NCKAP5: variants seen among roughly 807,000 people sequenced by gnomAD.
The protein encoded by NCKAP5 is NCK associated protein 5.
In NCKAP5, 92 loss-of-function variants were observed where a neutral mutation model predicts 167.0. The observed-to-expected ratio is 0.55, with a 90% CI of 0.47 to 0.66. The LOEUF is 0.66. Ranked by LOEUF, NCKAP5 falls within the 30% of genes least tolerant of loss-of-function variation. The pLI is 0.00. For synonymous variants in NCKAP5, 891 were observed against 877.4 expected (o/e 1.02, Z -0.27); for missense variants, 2,378 against 2,315.0 (o/e 1.03, Z -0.56).
intron 11 of NCKAP5, among the ~76,000 whole-genome samples, chr2:132,849,262 C>G (rs781228925): frequency 2.6e-5 from 4 of 151,942 alleles, no homozygotes; most frequent in African/African-American, 7.3e-5. Flanking sequence ...TGAAAGTTAA[C>G]CACAAGATTA....
At chr2:132,781,275 T>G (rs1237945996) in intron 14 of NCKAP5, 46 bp from the exon 15 acceptor site, 1 of 1,555,342 alleles carries the variant, frequency 6.4e-7, no homozygotes, top group Non-Finnish European at 8.7e-7. Context: ...TTGCTCCTTC[T>G]TCAATCACTC....
chr2:133,320,877 T>C (rs1156694823), intron 3 of NCKAP5, among the ~76,000 whole-genome samples: 3 of 152,026 alleles, frequency 2.0e-5, no homozygotes, highest in African/African-American at 7.3e-5. Flanking sequence ...ACCAGGTGAG[T>C]TGGTCACTCT....
intron 3 of NCKAP5, among the ~76,000 whole-genome samples, chr2:133,426,364 T>G (rs1199299629): frequency 1.4e-5 from 2 of 143,868 alleles, no homozygotes; most frequent in African/African-American, 2.6e-5. Context: ...GGAAAATATA[T>G]AGCCTTAAAT....
chr2:132,799,101 A>T (rs954497975), intron 11 of NCKAP5, among the ~76,000 whole-genome samples: 54 of 152,284 alleles, frequency 3.5e-4, no homozygotes, highest in African/African-American at 1.2e-3. Flanking sequence ...TTGCAGCAAC[A>T]CGAATCCAGC....
At chr2:133,545,441 G>A (rs1367897381) in intron 2 of NCKAP5, among the ~76,000 whole-genome samples, 1 of 152,122 alleles carries the variant, frequency 6.6e-6, no homozygotes, top group East Asian at 1.9e-4. Context: ...GAGTGAAGGA[G>A]ATGACGGAAA....
In NCKAP5 at chr2:133,308,793, CT is replaced by C. The variant is rs1366161247; in HGVS notation, c.70-5684del. The stretch of plus-strand genomic sequence containing the variant: ...GCGCAATCTCGGCTCACTGCAAGCT[CT>C]CTGCTTCCCGGGTTCACGCCATTCT... On this transcript the variant is annotated intron_variant, in intron 3 of 19. Transcript: ENST00000409261. 2.3e-3 allele frequency among the ~76,000 whole-genome samples: 312 copies of C among 138,206 alleles called. 1 individual carries two copies. Among genetic ancestry groups the C allele is most frequent in the African/African-American group, 7.4e-3 (276 of 37,292 alleles). The allele number at this position is 138,206 out of a possible 152,430, so 90.7% of individuals were successfully genotyped here.
intron 3 of NCKAP5, among the ~76,000 whole-genome samples, chr2:133,471,899 T>C (rs1169679552): frequency 2.0e-5 from 3 of 152,234 alleles, no homozygotes; most frequent in Non-Finnish European, 2.9e-5. Flanking sequence ...CACGACCATA[T>C]GTTATGCTTT....
chr2:132,718,533 C>T (rs1689595229), intron 19 of NCKAP5, among the ~76,000 whole-genome samples: 2 of 152,206 alleles, frequency 1.3e-5, no homozygotes, highest in African/African-American at 4.8e-5. Context: ...ATGCCTGCAA[C>T]AGCCTCCATG....
chr2:133,470,716 C>T (rs891448141), intron 3 of NCKAP5, among the ~76,000 whole-genome samples: 26 of 152,196 alleles, frequency 1.7e-4, no homozygotes, highest in Admixed American at 5.9e-4. Flanking sequence ...TCTCGTGGTG[C>T]GCCGTTTTTT....
intron 6 of NCKAP5, among the ~76,000 whole-genome samples, chr2:133,042,412 A>G (rs1378846371): frequency 1.3e-5 from 2 of 152,170 alleles, no homozygotes; most frequent in Non-Finnish European, 2.9e-5. Context: ...TCTAGCCTAC[A>G]TGTTAATTGG....
intron 17 of NCKAP5, 126 bp from the exon 18 acceptor site, chr2:132,729,078 T>C: frequency 1.3e-4 from 162 of 1,257,696 alleles, no homozygotes; most frequent in East Asian, 1.0e-3. Flanking sequence ...AAGCTGGGCT[T>C]CCTGCCACTC....
chr2:133,213,884 T>C (rs2086314428), intron 4 of NCKAP5, 105 bp from the exon 5 acceptor site: 1 of 1,051,108 alleles, frequency 9.5e-7, no homozygotes, highest in Non-Finnish European at 1.5e-6. Context: ...ATTCCTTCCT[T>C]GGTTTAGCTC....
intron 6 of NCKAP5, among the ~76,000 whole-genome samples, chr2:133,126,267 A>G (rs16857027): frequency 0.12 from 17,606 of 152,028 alleles, 1,259 homozygotes; most frequent in East Asian, 0.37. Flanking sequence ...CTGTTTAGAG[A>G]CTCCCATGCC....
chr2:133,351,470 A>G (rs1684356986), intron 3 of NCKAP5, among the ~76,000 whole-genome samples: 1 of 152,172 alleles, frequency 6.6e-6, no homozygotes, highest in Non-Finnish European at 1.5e-5. Flanking sequence ...TACTCTATAA[A>G]AGTCTTATGA....
At chr2:133,212,210 A>G (rs1218517586) in intron 5 of NCKAP5, among the ~76,000 whole-genome samples, 2 of 152,194 alleles carry the variant, frequency 1.3e-5, no homozygotes, top group Non-Finnish European at 2.9e-5. Context: ...GGTGAGCAGG[A>G]GCTAGTCTTA....
chr2:133,588,614 C>A, the NCKAP5 span, among the ~76,000 whole-genome samples: 1 of 152,072 alleles, frequency 6.6e-6, no homozygotes, highest in Non-Finnish European at 1.5e-5. Context: ...AACCAGAACA[C>A]TAAGGTCCCT....
At chr2:133,357,667 A>C (rs987274836) in intron 3 of NCKAP5, among the ~76,000 whole-genome samples, 1 of 152,212 alleles carries the variant, frequency 6.6e-6, no homozygotes, top group Non-Finnish European at 1.5e-5. Context: ...CTGCTTTAGA[A>C]ATGACCTCCT....
chr2:133,061,468 T>A (rs558012627), intron 6 of NCKAP5, among the ~76,000 whole-genome samples: 58 of 152,312 alleles, frequency 3.8e-4, no homozygotes, highest in Non-Finnish European at 5.9e-4. Flanking sequence ...CCCTATGACA[T>A]GTGTTTACCT....
chr2:133,285,382 A>C (rs575219857), intron 4 of NCKAP5, among the ~76,000 whole-genome samples: 1 of 152,182 alleles, frequency 6.6e-6, no homozygotes, highest in Non-Finnish European at 1.5e-5. Context: ...TAACTTTAAA[A>C]TTATGATGAG....
Sources: gnomAD v4.1 joint callset for allele counts (sites outside exome capture counted in the v4.1 genomes callset) on GRCh38, gnomAD v4.1.1 for gene constraint, MANE v1.5 for transcripts, NCBI Gene and HGNC (gene_info 2026-07-23, HGNC 2026-07-21) for gene names.